The following DMD variants were observed in gnomAD, a reference collection of about 807,000 sequenced individuals.
DMD encodes the protein mutant dystrophin.
Under a neutral mutation model 330.1 loss-of-function variants are expected in DMD, and 63 were observed. The observed-to-expected ratio is 0.19, with a 90% CI of 0.16 to 0.24. The LOEUF (loss-of-function observed/expected upper bound fraction) is 0.24, where lower values mean the gene tolerates loss of function less well. Among genes scored for constraint, DMD ranks in the 10% least tolerant of loss-of-function variants. DMD has a pLI of 1.00. For synonymous variants in DMD, 1,223 were observed against 959.8 expected, an observed-to-expected ratio of 1.27 and a Z score of -5.07; for missense variants, 3,344 against 2,684.1, an observed-to-expected ratio of 1.25 and a Z score of -5.43.
At chrX:33,173,438 C>T (rs5972769) in intron 1 of DMD, among the ~76,000 whole-genome samples, 18,740 of 110,733 alleles carry the variant, frequency 0.17, 2,013 homozygotes, top group East Asian at 0.44. Flanking sequence ...AAAACCTTTA[C>T]ACTGTATCGT....
intron 60 of DMD, among the ~76,000 whole-genome samples, chrX:31,411,017 C>T (rs193140337): frequency 0.13 from 13,318 of 105,101 alleles, 854 homozygotes; most frequent in East Asian, 0.42. Flanking sequence ...CCCCCTGCTT[C>T]GGCCTCCCAA....
intron 9 of DMD, among the ~76,000 whole-genome samples, chrX:32,667,058 C>CACAT (rs10654495): frequency 0.23 from 24,927 of 110,166 alleles, 4,820 homozygotes; most frequent in African/African-American, 0.64. Context: ...GACATTATGG[C>CACAT]ATATATGCAA....
chrX:32,807,122 T>TAAAAAAAAAAAAA (rs999286386), intron 7 of DMD, among the ~76,000 whole-genome samples: 18 of 20,737 alleles, frequency 8.7e-4, no homozygotes, highest in African/African-American at 1.5e-3. Flanking sequence ...CGGAAACATT[T>TAAAAAAAAAAAAA]AAAAAAAAAA....
intron 7 of DMD, among the ~76,000 whole-genome samples, chrX:32,717,861 T>G (rs1302879951): frequency 9.0e-6 from 1 of 111,563 alleles, no homozygotes; most frequent in Non-Finnish European, 1.9e-5. Context: ...GGAAATTATT[T>G]TGGAGCTTTA....
At chrX:32,604,115 C>T (rs1169340373) in intron 12 of DMD, among the ~76,000 whole-genome samples, 5 of 110,169 alleles carry the variant, frequency 4.5e-5, no homozygotes, top group African/African-American at 1.6e-4. Flanking sequence ...GCTAGCAAAC[C>T]AAACCCAAAA....
intron 45 of DMD, among the ~76,000 whole-genome samples, chrX:31,952,379 G>A (rs778740797): frequency 2.8e-5 from 3 of 108,688 alleles, no homozygotes; most frequent in South Asian, 7.9e-4. Flanking sequence ...ACTCATGTTC[G>A]TTTTTTATAC....
chrX:32,637,430 T>C (rs1486567010), intron 11 of DMD, among the ~76,000 whole-genome samples: 2 of 112,083 alleles, frequency 1.8e-5, no homozygotes, highest in African/African-American at 6.5e-5. Context: ...CTCTCTGAGA[T>C]AGTCTATTAG....
chrX:33,119,677 C>T (rs139396089), intron 1 of DMD, among the ~76,000 whole-genome samples: 3,294 of 111,500 alleles, frequency 0.03, 131 homozygotes, highest in African/African-American at 0.1. Context: ...AGAGCAGTAA[C>T]GAATTTTAAT....
rs1569563101 is a variant in DMD, at chrX:32,452,322, T to TGAAAGG, written c.3603+2339_3603+2340insCCTTTC. 1.9e-3 allele frequency among the ~76,000 whole-genome samples: 21 copies of TGAAAGG among 11,181 alleles called. 1 individual carries two copies. The East Asian group carries it at 0.022, about 12-fold the overall frequency. The allele number at this position is 11,181 out of a possible 115,157, so 9.7% of individuals were successfully genotyped here. A position where few individuals can be genotyped will look rare whatever the true frequency, so the allele number is the denominator to read the frequency against. ...AGGAAAGGGAAAGTGAAAGTGAAAG[T>TGAAAGG]GAAAGTGAAAGTGAAAGGGAAAGGG... On this transcript the variant is annotated intron_variant, in intron 26 of 78. Coordinates refer to ENST00000357033, the MANE Select transcript of DMD (RefSeq NM_004006.3).
intron 44 of DMD, among the ~76,000 whole-genome samples, chrX:32,165,673 G>A (rs1010788804): frequency 8.9e-6 from 1 of 111,850 alleles, no homozygotes; most frequent in African/African-American, 3.3e-5. Flanking sequence ...AAATGTGAAA[G>A]GGACATGAGA....
chrX:32,071,565 G>A (rs1241058734), intron 44 of DMD, among the ~76,000 whole-genome samples: 2 of 105,186 alleles, frequency 1.9e-5, no homozygotes, highest in Non-Finnish European at 3.9e-5. Context: ...GCTAAATGAC[G>A]AGTTAATGGG....
chrX:31,167,776 G>A (rs1012379063), intron 74 of DMD, among the ~76,000 whole-genome samples: 1 of 111,839 alleles, frequency 8.9e-6, no homozygotes, highest in African/African-American at 3.2e-5. Context: ...TGATGTTCTT[G>A]CTGTATTTTC....
Position 32,875,470 on chromosome X carries a change from T to C in DMD, c.94-25650A>G, listed in dbSNP as rs768450377. On this transcript the variant is annotated intron_variant, in intron 2 of 78. Coordinates refer to ENST00000357033, the MANE Select transcript of DMD (RefSeq NM_004006.3). ...CTCTTTTCCCTTCTGTAGGGAGATA[T>C]GTTTTGGCTATCTCTACCAGTTTAT... Among the ~76,000 whole-genome samples, 9 of 112,403 alleles carry C rather than the reference T, an allele frequency of 8.0e-5. No individual in the cohort carries two copies. In the South Asian group the frequency reaches 1.5e-3, roughly 18 times the overall value.
chrX:32,491,380 T>G lies in DMD; in HGVS notation c.2519A>C (p.Gln840Pro), dbSNP rs773521353. Residue 840 changes from glutamine (Q) to proline (P), a missense_variant, in exon 20 of 79, where the codon CAA (glutamine) becomes CCA (proline). By Grantham distance (76) the Gln-to-Pro change is moderately conservative. Coordinates refer to ENST00000357033, the MANE Select transcript of DMD (RefSeq NM_004006.3). ...NNIIAFYNQL[Q>P]QLEQMTTTAE... ...AGTAGTTGTCATCTGCTCCAATTGT[T>G]GTAGCTGATTATAGAAAGCGATGAT... 2 of 1,209,936 alleles carry G rather than the reference T, an allele frequency of 1.7e-6. No individual in the cohort carries two copies. Among genetic ancestry groups the G allele is most frequent in the African/African-American group, 1.8e-5 (1 of 57,075 alleles).
At chrX:33,290,336 G>T (rs1603428676) in intron 1 of DMD, among the ~76,000 whole-genome samples, 1 of 111,317 alleles carries the variant, frequency 9.0e-6, no homozygotes, top group East Asian at 2.8e-4. Context: ...TCCCAATAAA[G>T]TCTCTCTGCC....
At chrX:31,223,807 T>C (rs1374011930) in intron 63 of DMD, among the ~76,000 whole-genome samples, 1 of 112,321 alleles carries the variant, frequency 8.9e-6, no homozygotes, top group Non-Finnish European at 1.9e-5. Flanking sequence ...ACCTTTTAAA[T>C]AAGCACTGTT....
rs750472239 is a variant in DMD at position 31,379,935 on chromosome X, T to TGATG, written c.9085-31302_9085-31301insCATC. Reference sequence around the variant, plus strand: ...CCTGGAACTCTGGCCCAAGGCTCTCTGACTCCTTCCCAGATCTTCTCGGTT... The same window carrying TGATG: ...CCTGGAACTCTGGCCCAAGGCTCTCTGATGGACTCCTTCCCAGATCTTCTCGGTT... On this transcript the variant is annotated intron_variant, in intron 60 of 78. Coordinates refer to ENST00000357033, the MANE Select transcript of DMD (RefSeq NM_004006.3). Among the ~76,000 whole-genome samples the TGATG allele has an allele frequency of 5.8e-4, 65 of 111,764 alleles. No individual in the cohort carries two copies. The East Asian group carries it at 0.016, about 28-fold the overall frequency.
intron 55 of DMD, among the ~76,000 whole-genome samples, chrX:31,548,973 T>C (rs2074320210): frequency 9.0e-6 from 1 of 110,625 alleles, no homozygotes; most frequent in Admixed American, 9.7e-5. Context: ...TTTAAAAATA[T>C]GCCAGTTAAA....
intron 43 of DMD, among the ~76,000 whole-genome samples, chrX:32,237,743 G>A (rs758889962): frequency 2.5e-4 from 28 of 111,799 alleles, no homozygotes; most frequent in African/African-American, 8.8e-4. Flanking sequence ...CTGACATGGT[G>A]AACGCTAAAG....
Sources: gnomAD v4.1 joint callset for allele counts (sites outside exome capture counted in the v4.1 genomes callset) on GRCh38, gnomAD v4.1.1 for gene constraint, MANE v1.5 for transcripts, NCBI Gene and HGNC (gene_info 2026-07-23, HGNC 2026-07-21) for gene names.